CACNA2D3: variants seen among roughly 807,000 people sequenced by gnomAD.
CACNA2D3 encodes voltage-dependent calcium channel subunit alpha-2/delta-3.
CACNA2D3 carries 60 observed loss-of-function variants against 160.6 expected under a neutral mutation model. The ratio of observed to expected loss-of-function variants is 0.37; its 90% CI spans 0.30 to 0.46. The LOEUF (loss-of-function observed/expected upper bound fraction) is 0.46. CACNA2D3 is among the 20% of genes least tolerant of loss of function. The probability of loss-of-function intolerance (pLI) is 1.00; values close to 1 mark genes in which losing one functional copy is unlikely to be tolerated. For synonymous variants in CACNA2D3, 558 were observed against 492.9 expected (o/e 1.13, Z -1.75); for missense variants, 1,205 against 1,365.0 (o/e 0.88, Z 1.85).
At chr3:54,588,286 T>C (rs1286912322) in intron 9 of CACNA2D3, among the ~76,000 whole-genome samples, 1 of 152,118 alleles carries the variant, frequency 6.6e-6, no homozygotes, top group Non-Finnish European at 1.5e-5. Context: ...AATACAAAAC[T>C]TCTCAGTGCA....
chr3:54,203,603 T>C (rs528644061), intron 2 of CACNA2D3, among the ~76,000 whole-genome samples: 28 of 152,280 alleles, frequency 1.8e-4, no homozygotes, highest in African/African-American at 6.3e-4. Context: ...TCTCCGCTGA[T>C]GGGGAAGCCA....
At chr3:54,321,729 C>T (rs1389507124) in intron 3 of CACNA2D3, among the ~76,000 whole-genome samples, 1 of 152,058 alleles carries the variant, frequency 6.6e-6, no homozygotes, top group Admixed American at 6.5e-5. Context: ...TCTTTACTGC[C>T]GCCTTGCTTT....
At chr3:54,440,995 A>T (rs74412850) in intron 4 of CACNA2D3, among the ~76,000 whole-genome samples, 88,454 of 151,248 alleles carry the variant, frequency 0.58, 26,854 homozygotes, top group Middle Eastern at 0.68. Flanking sequence ...CCTTTGGGTA[A>T]ATACCCAGTA....
chr3:54,223,007 T>C (rs1446863252), intron 2 of CACNA2D3, among the ~76,000 whole-genome samples: 2 of 152,248 alleles, frequency 1.3e-5, no homozygotes, highest in Admixed American at 6.5e-5. Flanking sequence ...TCTTGCTTTG[T>C]TTTGGATTAA....
chr3:54,895,666 C>CCATTTCTGCTTCAA (rs1700171699), intron 25 of CACNA2D3, among the ~76,000 whole-genome samples: 1 of 152,294 alleles, frequency 6.6e-6, no homozygotes, highest in East Asian at 1.9e-4. Context: ...CAACTCATGG[C>CCATTTCTGCTTCAA]CTTTTCCCTA....
intron 27 of CACNA2D3, among the ~76,000 whole-genome samples, chr3:54,934,382 T>C (rs1308002195): frequency 6.8e-6 from 1 of 146,986 alleles, no homozygotes; most frequent in Non-Finnish European, 1.5e-5. Context: ...AGTAAGAAAG[T>C]GGGGAGGTTG....
intron 2 of CACNA2D3, among the ~76,000 whole-genome samples, chr3:54,307,943 G>A (rs1703649327): frequency 6.6e-6 from 1 of 152,188 alleles, no homozygotes; most frequent in African/African-American, 2.4e-5. Flanking sequence ...TCAGACAAAA[G>A]GTCTAAGAAT....
At position 54,457,607 on chromosome 3, in the gene CACNA2D3, T is replaced by A. The variant is rs539389878; in HGVS notation, c.382-45885T>A. On this transcript the variant is annotated intron_variant, in intron 4 of 37. Coordinates refer to ENST00000474759, the MANE Select transcript of CACNA2D3 (RefSeq NM_018398.3). ...AACACAGCTTATATTGGATTTTTTT[T>A]ATTGATTTTCTGTATAGATGATCTG... Among the ~76,000 whole-genome samples the A allele has an allele frequency of 1.1e-3, 174 of 152,156 alleles. 2 individuals carry two copies. Among genetic ancestry groups the A allele is most frequent in the Middle Eastern group, 6.8e-3 (2 of 294 alleles).
chr3:54,614,563 C>G lies in CACNA2D3; in HGVS notation c.964-13224C>G, dbSNP rs535903908. Among the ~76,000 whole-genome samples the G allele has an allele frequency of 2.2e-3, 335 of 152,244 alleles. 1 individual carries two copies. The highest frequency in any genetic ancestry group is 3.8e-3 in the Admixed American group (58 of 15,282). ...TTCTTCTTTGCCCTTTTACTTGGCC[C>G]TCTTCAGTTATTTTTTTCTCTTCCT... On this transcript the variant is annotated intron_variant, in intron 9 of 37. Transcript: ENST00000474759.
intron 5 of CACNA2D3, among the ~76,000 whole-genome samples, chr3:54,522,925 T>TTACTTACTTACTTAC: frequency 9.3e-6 from 1 of 107,330 alleles, no homozygotes; most frequent in Admixed American, 9.5e-5. Flanking sequence ...TATTTATTTA[T>TTACTTACTTACTTAC]TTATTTATTT....
intron 31 of CACNA2D3, among the ~76,000 whole-genome samples, chr3:54,997,425 G>A (rs922598518): frequency 6.6e-5 from 10 of 152,016 alleles, no homozygotes; most frequent in Admixed American, 1.3e-4. Flanking sequence ...ACTTTGGCCC[G>A]GCTCAGTGAC....
intron 14 of CACNA2D3, among the ~76,000 whole-genome samples, chr3:54,823,350 A>G (rs760889589): frequency 1.4e-4 from 22 of 152,128 alleles, no homozygotes; most frequent in Non-Finnish European, 2.6e-4. Flanking sequence ...AAAACAAAGT[A>G]AAAACAATAT....
rs536295205 is a variant in CACNA2D3, at chr3:54,472,653, A to C, written c.382-30839A>C. 3.3e-5 allele frequency among the ~76,000 whole-genome samples: 5 copies of C among 152,346 alleles called. No individual in the cohort carries two copies. In the South Asian group the frequency reaches 1.0e-3, roughly 32 times the overall value. On this transcript the variant is annotated intron_variant, in intron 4 of 37. Transcript: ENST00000474759. ...TAGAAAACCCCATCATCTCAGCCCAAAATCTCCTTAAGCTGATAAGCAACT... is the reference window on the plus strand; with the variant it reads ...TAGAAAACCCCATCATCTCAGCCCACAATCTCCTTAAGCTGATAAGCAACT...
At chr3:54,993,840 G>GTC (rs1210842654) in intron 31 of CACNA2D3, among the ~76,000 whole-genome samples, 17 of 145,600 alleles carry the variant, frequency 1.2e-4, no homozygotes, top group South Asian at 4.4e-4. Flanking sequence ...TGTCTTATCT[G>GTC]TCTCTCTCTC....
intron 27 of CACNA2D3, among the ~76,000 whole-genome samples, chr3:54,916,575 C>G (rs1700665315): frequency 6.6e-6 from 1 of 152,152 alleles, no homozygotes; most frequent in Admixed American, 6.5e-5. Context: ...AATTGCTGCT[C>G]CAGAAAGGTG....
At chr3:54,925,419 T>C (rs1031446821) in intron 27 of CACNA2D3, among the ~76,000 whole-genome samples, 1 of 152,210 alleles carries the variant, frequency 6.6e-6, no homozygotes, top group Non-Finnish European at 1.5e-5. Context: ...TTCTGCAGTC[T>C]TTGTGCCACC....
chr3:55,061,673 TC>T (rs1159216072), intron 35 of CACNA2D3, among the ~76,000 whole-genome samples: 1 of 152,208 alleles, frequency 6.6e-6, no homozygotes, highest in East Asian at 1.9e-4. Context: ...TGCCAGTGGC[TC>T]CTGAGGCTGA....
At chr3:54,397,575 C>T (rs1196638316) in intron 4 of CACNA2D3, among the ~76,000 whole-genome samples, 82 of 140,684 alleles carry the variant, frequency 5.8e-4, no homozygotes, top group South Asian at 1.8e-3. Flanking sequence ...TCGTTATGTA[C>T]CCAGTAGTCA....
At chr3:54,929,293 G>A (rs1322672393) in intron 27 of CACNA2D3, among the ~76,000 whole-genome samples, 3 of 152,156 alleles carry the variant, frequency 2.0e-5, no homozygotes, top group Non-Finnish European at 4.4e-5. Context: ...GTCTTCATAA[G>A]TGTTCACAAT....
Sources: gnomAD v4.1 joint callset for allele counts (sites outside exome capture counted in the v4.1 genomes callset) on GRCh38, gnomAD v4.1.1 for gene constraint, MANE v1.5 for transcripts, NCBI Gene and HGNC (gene_info 2026-07-23, HGNC 2026-07-21) for gene names.